The following MYCBP2 variants were observed in gnomAD, a reference collection of about 807,000 sequenced individuals.
The protein encoded by MYCBP2 is MYC binding protein 2.
Under a neutral mutation model 525.3 loss-of-function variants are expected in MYCBP2, and 120 were observed. The ratio of observed to expected loss-of-function variants is 0.23; its 90% confidence interval spans 0.20 to 0.27. The LOEUF is 0.27. Ranked by LOEUF, MYCBP2 falls within the 10% of genes least tolerant of loss-of-function variation. The probability of loss-of-function intolerance (pLI) is 1.00; values close to 1 mark genes in which losing one functional copy is unlikely to be tolerated. For missense variants in MYCBP2, 4,149 were observed against 5,657.1 expected (o/e 0.73, Z 8.55); for synonymous variants, 1,894 against 1,955.8 (o/e 0.97, Z 0.83).
At chr13:77,275,547 G>A (rs1164195388) in intron 4 of MYCBP2, among the ~76,000 whole-genome samples, 1 of 152,100 alleles carries the variant, frequency 6.6e-6, no homozygotes, top group Non-Finnish European at 1.5e-5. Flanking sequence ...GAAGGAGCTG[G>A]GTGCAGCAGT....
intron 46 of MYCBP2, among the ~76,000 whole-genome samples, chr13:77,152,543 C>T (rs1472707869): frequency 6.6e-6 from 1 of 152,130 alleles, no homozygotes; most frequent in Non-Finnish European, 1.5e-5. Flanking sequence ...CAGCCCTGCC[C>T]CCCTACCCTA....
At chr13:77,304,598 G>A (rs1466097034) in intron 1 of MYCBP2, among the ~76,000 whole-genome samples, 1 of 152,022 alleles carries the variant, frequency 6.6e-6, no homozygotes, top group Non-Finnish European at 1.5e-5. Context: ...CTAGAAGAGA[G>A]GATTTTGAAT....
intron 20 of MYCBP2, among the ~76,000 whole-genome samples, chr13:77,218,162 T>A (rs1360537988): frequency 6.6e-6 from 1 of 152,106 alleles, no homozygotes; most frequent in South Asian, 2.1e-4. Flanking sequence ...TTTAAGGAGA[T>A]CATCAAAAAG....
At chr13:77,160,995 A>G (rs1332829728) in intron 44 of MYCBP2, among the ~76,000 whole-genome samples, 3 of 152,204 alleles carry the variant, frequency 2.0e-5, no homozygotes, top group Non-Finnish European at 4.4e-5. Context: ...GGTCTGAGTA[A>G]CACTGATCCA....
chr13:77,153,560 T>A (rs558769798), intron 46 of MYCBP2, among the ~76,000 whole-genome samples: 1 of 152,334 alleles, frequency 6.6e-6, no homozygotes, highest in East Asian at 1.9e-4. Flanking sequence ...AAATTATCAT[T>A]AGAGTCTATG....
At position 77,234,191 on chromosome 13, in the gene MYCBP2, T is replaced by C. The variant is rs562461888; in HGVS notation, c.2630-928A>G. On this transcript the variant is annotated intron_variant, in intron 17 of 82. Transcript: ENST00000544440. ...TACAACTTAAAATTTTAGGTTTTTT[T>C]CTTATACAGCAGAACTATAGTTTCC... Among the ~76,000 whole-genome samples, 3 of 152,100 alleles carry C rather than the reference T, an allele frequency of 2.0e-5. No individual in the cohort carries two copies. The East Asian group carries it at 5.8e-4, about 29-fold the overall frequency.
intron 82 of MYCBP2, among the ~76,000 whole-genome samples, chr13:77,049,740 A>AT (rs904205778): frequency 6.6e-6 from 1 of 151,658 alleles, no homozygotes; most frequent in African/African-American, 2.4e-5. Context: ...GGCTCAAGTG[A>AT]TTCTCTGGCC....
intron 4 of MYCBP2, among the ~76,000 whole-genome samples, chr13:77,276,424 T>C (rs2075597388): frequency 6.6e-6 from 1 of 151,994 alleles, no homozygotes; most frequent in African/African-American, 2.4e-5. Context: ...AAATTTAGTA[T>C]AAAAGAACCA....
Position 77,273,553 on chromosome 13 carries a change from A to G in MYCBP2, c.864T>C (p.Ser288=). The G allele has an allele frequency of 6.2e-7, 1 of 1,613,804 alleles. No individual in the cohort carries two copies. Residue 288 remains serine, a synonymous_variant, in exon 5 of 83, where the codon TCT becomes TCC. Transcript: ENST00000544440. ...SCACLFSLVA[S]WGETGRTLQA... The stretch of plus-strand genomic sequence containing the variant: ...GAAGTGTCCTTCCTGTTTCTCCCCA[A>G]GAAGCCACCAGACTAAAGAGGCAAG...
intron 3 of MYCBP2, among the ~76,000 whole-genome samples, chr13:77,280,570 GATGAC>G (rs2154352417): frequency 6.6e-6 from 1 of 152,334 alleles, no homozygotes; most frequent in African/African-American, 2.4e-5. Context: ...ATTTTTCACA[GATGAC>G]ATTTTTGGCT....
intron 8 of MYCBP2, 41 bp from the exon 9 acceptor site, chr13:77,264,043 A>T (rs1594458529): frequency 1.3e-6 from 2 of 1,531,790 alleles, no homozygotes; most frequent in East Asian, 4.5e-5. Flanking sequence ...ATACAAGCAA[A>T]CACCTTGCAA....
chr13:77,234,050 T>A (rs912445213), intron 17 of MYCBP2, among the ~76,000 whole-genome samples: 7 of 151,978 alleles, frequency 4.6e-5, no homozygotes, highest in African/African-American at 1.7e-4. Flanking sequence ...TATAGCTCTT[T>A]CCACTTATAT....
At chr13:77,193,411 T>C (rs2154260515) in intron 27 of MYCBP2, among the ~76,000 whole-genome samples, 1 of 152,250 alleles carries the variant, frequency 6.6e-6, no homozygotes, top group East Asian at 1.9e-4. Flanking sequence ...TTTCTGAAAA[T>C]ATACATTTTC....
At chr13:77,171,453 G>C (rs1332640479) in intron 38 of MYCBP2, 39 bp downstream of exon 38, 13 of 1,585,020 alleles carry the variant, frequency 8.2e-6, no homozygotes, top group Non-Finnish European at 1.1e-5. Context: ...AGTGAATAAA[G>C]AATCTAAAAT....
At chr13:77,164,009 C>A (rs1007234735) in intron 43 of MYCBP2, among the ~76,000 whole-genome samples, 32 of 152,290 alleles carry the variant, frequency 2.1e-4, no homozygotes, top group African/African-American at 6.7e-4. Context: ...TATCTACTTG[C>A]TGTAGAATAT....
At chr13:77,078,325 C>G (rs1029191846) in intron 66 of MYCBP2, among the ~76,000 whole-genome samples, 2 of 152,132 alleles carry the variant, frequency 1.3e-5, no homozygotes, top group African/African-American at 2.4e-5. Context: ...TTCATGAATA[C>G]AAGTAAGGGA....
chr13:77,093,447 G>T, intron 58 of MYCBP2, 115 bp from the exon 59 acceptor site: 1 of 858,854 alleles, frequency 1.2e-6, no homozygotes, highest in Non-Finnish European at 1.8e-6. Flanking sequence ...TAAAGGCAAA[G>T]CATTAAAATA....
intron 38 of MYCBP2, among the ~76,000 whole-genome samples, chr13:77,170,014 A>C (rs1309042584): frequency 6.6e-6 from 1 of 152,218 alleles, no homozygotes; most frequent in Non-Finnish European, 1.5e-5. Flanking sequence ...GTACCTGTAA[A>C]ATAATAGAGC....
chr13:77,201,972 T>C (rs180891963), intron 26 of MYCBP2, among the ~76,000 whole-genome samples: 1 of 151,872 alleles, frequency 6.6e-6, no homozygotes. Flanking sequence ...CCTAACATCA[T>C]AATTAAAGGA....
Sources: gnomAD v4.1 joint callset for allele counts (sites outside exome capture counted in the v4.1 genomes callset) on GRCh38, gnomAD v4.1.1 for gene constraint, MANE v1.5 for transcripts, NCBI Gene and HGNC (gene_info 2026-07-23, HGNC 2026-07-21) for gene names.